BACH2: variants seen among roughly 807,000 people sequenced by gnomAD.
BACH2 encodes transcription regulator protein BACH2.
In BACH2, 5 loss-of-function variants were observed where a neutral mutation model predicts 61.8. The observed-to-expected ratio is 0.08, with a 90% CI of 0.04 to 0.17. The LOEUF (loss-of-function observed/expected upper bound fraction) is 0.17, where lower values mean the gene tolerates loss of function less well. BACH2 is among the 10% of genes least tolerant of loss of function. BACH2 has a pLI of 1.00. For missense variants in BACH2, 824 were observed against 1,091.1 expected (o/e 0.76, Z 3.45); for synonymous variants, 446 against 440.1 (o/e 1.01, Z -0.17).
chr6:90,076,839 A>G (rs1397224150), intron 5 of BACH2, among the ~76,000 whole-genome samples: 1 of 152,070 alleles, frequency 6.6e-6, no homozygotes, highest in Non-Finnish European at 1.5e-5. Context: ...CTCAGCCCTA[A>G]TTACAAACCT....
chr6:90,195,280 G>A (rs1302496309), intron 4 of BACH2, among the ~76,000 whole-genome samples: 1 of 152,090 alleles, frequency 6.6e-6, no homozygotes, highest in Admixed American at 6.5e-5. Context: ...CATGATTAGC[G>A]TTTCTGACAT....
At chr6:90,227,904 C>A (rs1006707963) in intron 3 of BACH2, among the ~76,000 whole-genome samples, 1 of 152,138 alleles carries the variant, frequency 6.6e-6, no homozygotes, top group Non-Finnish European at 1.5e-5. Flanking sequence ...ACTGCTACAC[C>A]CAGTTTATAC....
intron 4 of BACH2, among the ~76,000 whole-genome samples, chr6:90,185,472 G>C (rs555436527): frequency 6.6e-6 from 1 of 152,144 alleles, no homozygotes; most frequent in Non-Finnish European, 1.5e-5. Flanking sequence ...AAAATATATA[G>C]ATACATTTAA....
intron 5 of BACH2, among the ~76,000 whole-genome samples, chr6:90,038,070 C>T (rs1779350054): frequency 6.6e-6 from 1 of 152,200 alleles, no homozygotes; most frequent in African/African-American, 2.4e-5. Context: ...AACTGTGAGG[C>T]AATACATTTC....
At chr6:90,151,245 T>C (rs1784800412) in intron 4 of BACH2, among the ~76,000 whole-genome samples, 1 of 152,218 alleles carries the variant, frequency 6.6e-6, no homozygotes, top group South Asian at 2.1e-4. Flanking sequence ...CTTGGAATCA[T>C]TTCGTGTGTC....
intron 4 of BACH2, among the ~76,000 whole-genome samples, chr6:90,132,297 A>G (rs1244525026): frequency 6.6e-6 from 1 of 152,192 alleles, no homozygotes; most frequent in African/African-American, 2.4e-5. Context: ...TCCTTCCAGC[A>G]TGCAACAGGG....
intron 3 of BACH2, among the ~76,000 whole-genome samples, chr6:90,207,078 G>A (rs1049394811): frequency 6.6e-6 from 1 of 151,940 alleles, no homozygotes; most frequent in Non-Finnish European, 1.5e-5. Context: ...AGAGTAAAAG[G>A]GTCATTGTAC....
intron 6 of BACH2, among the ~76,000 whole-genome samples, chr6:89,969,189 G>C (rs975592685): frequency 6.6e-6 from 1 of 151,644 alleles, no homozygotes; most frequent in East Asian, 2.0e-4. Context: ...GAGTAGCTGG[G>C]ATTACAGGAA....
intron 4 of BACH2, among the ~76,000 whole-genome samples, chr6:90,186,023 T>A (rs184233218): frequency 0.012 from 1,768 of 151,646 alleles, 47 homozygotes; most frequent in African/African-American, 0.041. Flanking sequence ...TTTTAAAAAA[T>A]TTTTTTGCAG....
intron 6 of BACH2, among the ~76,000 whole-genome samples, chr6:89,955,919 T>C (rs921124935): frequency 6.6e-6 from 1 of 152,018 alleles, no homozygotes; most frequent in Non-Finnish European, 1.5e-5. Context: ...AACTAACAAC[T>C]CATAAAATGG....
intron 7 of BACH2, among the ~76,000 whole-genome samples, chr6:89,940,515 G>A (rs1227299046): frequency 6.6e-6 from 1 of 152,182 alleles, no homozygotes; most frequent in Admixed American, 6.5e-5. Context: ...GTCTGGTCCT[G>A]CTTCAGAAGC....
intron 4 of BACH2, among the ~76,000 whole-genome samples, chr6:90,149,485 G>T (rs997093432): frequency 6.6e-6 from 1 of 152,166 alleles, no homozygotes; most frequent in African/African-American, 2.4e-5. Context: ...GAAATATCTC[G>T]ATTCATACAG....
At chr6:90,190,826 ACT>A (rs1768543805) in intron 4 of BACH2, among the ~76,000 whole-genome samples, 2 of 152,266 alleles carry the variant, frequency 1.3e-5, no homozygotes, top group Admixed American at 1.3e-4. Context: ...CAGACCAACG[ACT>A]CTGATCTAAT....
chr6:89,940,273 A>G (rs995333924), intron 7 of BACH2, among the ~76,000 whole-genome samples: 19 of 152,028 alleles, frequency 1.2e-4, no homozygotes, highest in Non-Finnish European at 2.4e-4. Context: ...GCCTCCCAAA[A>G]TGCTGGGCTT....
At chr6:90,176,294 C>A (rs530559963) in intron 4 of BACH2, among the ~76,000 whole-genome samples, 2 of 152,004 alleles carry the variant, frequency 1.3e-5, no homozygotes, top group Non-Finnish European at 2.9e-5. Flanking sequence ...GAGCTCAGGG[C>A]GAGCAGAGAT....
Position 89,946,020 on chromosome 6 carries a change from C to A in BACH2, c.1836+4250G>T, listed in dbSNP as rs563678600. Among the ~76,000 whole-genome samples the A allele has an allele frequency of 4.6e-5, 7 of 152,104 alleles. No individual in the cohort carries two copies. In the East Asian group the frequency reaches 1.4e-3, roughly 29 times the overall value. On this transcript the variant is annotated intron_variant, in intron 7 of 8. Coordinates refer to ENST00000257749, the MANE Select transcript of BACH2 (RefSeq NM_021813.4). ...GAAGTCATAAAGAAAAAGACTTATA[C>A]CTTGACTACATAAAACTAATATTTT...
At chr6:90,023,305 G>A (rs367880990) in intron 5 of BACH2, among the ~76,000 whole-genome samples, 4 of 151,838 alleles carry the variant, frequency 2.6e-5, no homozygotes, top group Admixed American at 1.3e-4. Flanking sequence ...GAGGTTTCTC[G>A]TGGTTTAACA....
chr6:89,970,516 T>C (rs554217417), intron 6 of BACH2, among the ~76,000 whole-genome samples: 5 of 152,306 alleles, frequency 3.3e-5, no homozygotes, highest in East Asian at 3.9e-4. Context: ...CGGGGAGGCA[T>C]AGCTTCAAAA....
At chr6:90,281,773 C>T (rs1219470589) in intron 1 of BACH2, among the ~76,000 whole-genome samples, 2 of 151,974 alleles carry the variant, frequency 1.3e-5, no homozygotes, top group Non-Finnish European at 2.9e-5. Context: ...GTATTGTCTG[C>T]CAGTCATTCT....
Sources: allele counts gnomAD v4.1 joint callset (sites outside exome capture counted in the v4.1 genomes callset), GRCh38; gene constraint gnomAD v4.1.1; transcripts MANE v1.5; gene names NCBI Gene and HGNC (gene_info 2026-07-23, HGNC 2026-07-21).